Variants in LHFPL2 observed in about 807,000 individuals in gnomAD.
The protein encoded by LHFPL2 is LHFPL tetraspan subfamily member 2, also known as LHFPL tetraspan subfamily member 2 protein.
Under a neutral mutation model 17.5 loss-of-function variants are expected in LHFPL2, and 7 were observed. The observed-to-expected ratio is 0.40, with a 90% CI of 0.23 to 0.75. The LOEUF (loss-of-function observed/expected upper bound fraction) is 0.75, where lower values mean the gene tolerates loss of function less well. Among genes scored for constraint, LHFPL2 ranks in the 30% least tolerant of loss-of-function variants. The pLI is 0.37. For synonymous variants in LHFPL2, 134 were observed against 116.2 expected, an observed-to-expected ratio of 1.15 and a Z score of -0.99; for missense variants, 241 against 294.8, an observed-to-expected ratio of 0.82 and a Z score of 1.34.
At chr5:78,611,977 G>T (rs1744438098) in intron 2 of LHFPL2, among the ~76,000 whole-genome samples, 1 of 152,182 alleles carries the variant, frequency 6.6e-6, no homozygotes, top group Admixed American at 6.5e-5. Context: ...TTTTAAGACA[G>T]TCCTTTCTAG....
rs377673768 is a variant in LHFPL2 at position 78,535,031 on chromosome 5, G to A, written c.-185-24633C>T. Among the ~76,000 whole-genome samples, 5 of 152,282 alleles carry A rather than the reference G, an allele frequency of 3.3e-5. No homozygotes were observed. The East Asian group carries it at 5.8e-4, about 18-fold the overall frequency. Reference sequence around the variant, plus strand: ...GCTGAACAAGTTTGTTGGAATGTACGGAAAAAACCCAACGACTTCTTAGGA... The same window carrying A: ...GCTGAACAAGTTTGTTGGAATGTACAGAAAAAACCCAACGACTTCTTAGGA... On this transcript the variant is annotated intron_variant, in intron 3 of 4. Coordinates refer to ENST00000380345, the MANE Select transcript of LHFPL2 (RefSeq NM_005779.3).
chr5:78,634,505 G>A (rs1580878218), intron 1 of LHFPL2, among the ~76,000 whole-genome samples: 1 of 152,192 alleles, frequency 6.6e-6, no homozygotes, highest in South Asian at 2.1e-4. Context: ...ATGGTCCCAC[G>A]CCTCCAAAGG....
At chr5:78,539,510 G>A (rs980940611) in intron 3 of LHFPL2, among the ~76,000 whole-genome samples, 6 of 152,116 alleles carry the variant, frequency 3.9e-5, no homozygotes, top group African/African-American at 7.2e-5. Flanking sequence ...ACGGTATATC[G>A]TATGCACTCA....
At chr5:78,500,236 G>A (rs1754733259) in intron 4 of LHFPL2, among the ~76,000 whole-genome samples, 3 of 152,096 alleles carry the variant, frequency 2.0e-5, no homozygotes, top group African/African-American at 7.2e-5. Flanking sequence ...CCTCCAATAG[G>A]TCAGGCCACT....
intron 3 of LHFPL2, among the ~76,000 whole-genome samples, chr5:78,527,835 A>G (rs537274998): frequency 8.5e-5 from 13 of 152,222 alleles, no homozygotes; most frequent in Non-Finnish European, 1.8e-4. Flanking sequence ...ATTCAGATAC[A>G]TGGCATTTAC....
At chr5:78,613,420 C>T (rs1159877735) in intron 2 of LHFPL2, among the ~76,000 whole-genome samples, 8 of 152,076 alleles carry the variant, frequency 5.3e-5, no homozygotes, top group Non-Finnish European at 5.9e-5. Flanking sequence ...GCTTTGCCAC[C>T]GACTAGTAGA....
intron 2 of LHFPL2, among the ~76,000 whole-genome samples, chr5:78,592,419 T>C (rs1475394478): frequency 6.6e-6 from 1 of 152,200 alleles, no homozygotes; most frequent in Non-Finnish European, 1.5e-5. Flanking sequence ...TTGTCTCCTG[T>C]GTGGTTTCTA....
At chr5:78,629,241 A>G (rs1745163686) in intron 2 of LHFPL2, among the ~76,000 whole-genome samples, 1 of 152,226 alleles carries the variant, frequency 6.6e-6, no homozygotes, top group African/African-American at 2.4e-5. Flanking sequence ...GATAATGATA[A>G]AACAATACCT....
Position 78,532,143 on chromosome 5 carries a change from C to T in LHFPL2, c.-185-21745G>A, listed in dbSNP as rs1171961859. On this transcript the variant is annotated intron_variant, in intron 3 of 4. Coordinates refer to ENST00000380345, the MANE Select transcript of LHFPL2 (RefSeq NM_005779.3). ...TTCACCATGTTGGCCAGGCTGGTCT[C>T]GGATTCCTGACCTCAAATGATCCAC... Among the ~76,000 whole-genome samples the T allele has an allele frequency of 1.3e-5, 2 of 152,096 alleles. 1 individual carries two copies. Among genetic ancestry groups the T allele is most frequent in the African/African-American group, 4.8e-5 (2 of 41,406 alleles).
chr5:78,488,649 A>T lies in LHFPL2; in HGVS notation c.*248T>A. ...CCTGGGGGAGATGGAGTCTGACAGA[A>T]CTTGGCAACTCCAGGTCTAGGATTA... On this transcript the variant is annotated 3_prime_UTR_variant, in exon 5 of 5. Transcript: ENST00000380345. 4 of 495,210 alleles carry T rather than the reference A, an allele frequency of 8.1e-6. No homozygotes were observed. In the South Asian group the frequency reaches 9.5e-5, roughly 12 times the overall value. 30.7% of individuals were successfully genotyped at this position (495,210 alleles called of 1,614,324 possible). A position where few individuals can be genotyped will look rare whatever the true frequency, so the allele number is the denominator to read the frequency against.
chr5:78,624,216 G>A (rs1193290619), intron 2 of LHFPL2, among the ~76,000 whole-genome samples: 1 of 152,204 alleles, frequency 6.6e-6, no homozygotes, highest in Admixed American at 6.5e-5. Flanking sequence ...ATCAATCAGG[G>A]TTTGACTCCA....
chr5:78,566,516 T>A (rs1255800853), intron 2 of LHFPL2, among the ~76,000 whole-genome samples: 1 of 152,020 alleles, frequency 6.6e-6, no homozygotes, highest in East Asian at 1.9e-4. Context: ...CAGGCTGAAG[T>A]ACAATGGCAC....
chr5:78,487,988 G>C lies in LHFPL2; in HGVS notation c.*909C>G, dbSNP rs376985290. Reference sequence around the variant, plus strand: ...CCCCCCAAGTGCCGAGATTCTGGCAGGTCCTCCCAGTGAACATCTGCATAA... The same window carrying C: ...CCCCCCAAGTGCCGAGATTCTGGCACGTCCTCCCAGTGAACATCTGCATAA... On this transcript the variant is annotated 3_prime_UTR_variant, in exon 5 of 5. Transcript: ENST00000380345. 1 of 152,044 alleles carries C rather than the reference G, an allele frequency of 6.6e-6. No individual in the cohort carries two copies. The highest frequency in any genetic ancestry group is 6.5e-5 in the Admixed American group (1 of 15,272). The allele number at this position is 152,044 out of a possible 1,614,324, so 9.4% of individuals were successfully genotyped here. A position where few individuals can be genotyped will look rare whatever the true frequency, so the allele number is the denominator to read the frequency against.
At chr5:78,637,189 G>T (rs1430011810) in intron 1 of LHFPL2, among the ~76,000 whole-genome samples, 1 of 152,188 alleles carries the variant, frequency 6.6e-6, no homozygotes, top group African/African-American at 2.4e-5. Flanking sequence ...CACCTTAGCA[G>T]AGTGTCAGGC....
intron 2 of LHFPL2, among the ~76,000 whole-genome samples, chr5:78,619,003 C>T (rs1020796591): frequency 5.3e-5 from 8 of 152,192 alleles, no homozygotes; most frequent in African/African-American, 1.9e-4. Context: ...CTGACAAGGC[C>T]AAGATTTGTG....
intron 2 of LHFPL2, among the ~76,000 whole-genome samples, chr5:78,588,413 T>G (rs1489068592): frequency 1.3e-5 from 2 of 151,900 alleles, no homozygotes; most frequent in Non-Finnish European, 2.9e-5. Context: ...CTATAAACAC[T>G]CACAAGAGTC....
At chr5:78,602,641 GA>G (rs1744060378) in intron 2 of LHFPL2, among the ~76,000 whole-genome samples, 1 of 152,156 alleles carries the variant, frequency 6.6e-6, no homozygotes, top group Non-Finnish European at 1.5e-5. Flanking sequence ...ATCCTGGGCA[GA>G]TAAGTTCTGG....
Position 78,486,678 on chromosome 5 carries a change from T to C in LHFPL2, c.*2219A>G, listed in dbSNP as rs1033635731. 2.0e-5 allele frequency: 3 copies of C among 152,096 alleles called. No homozygotes were observed. Among genetic ancestry groups the C allele is most frequent in the Non-Finnish European group, 4.4e-5 (3 of 68,048 alleles). The allele number at this position is 152,096 out of a possible 1,614,324, so 9.4% of individuals were successfully genotyped here. A position where few individuals can be genotyped will look rare whatever the true frequency, so the allele number is the denominator to read the frequency against. ...TTCTGTTGCATTCAGATTAATAACA[T>C]AAACACTATCGAGTGAGTTTATTAT... On this transcript the variant is annotated 3_prime_UTR_variant, in exon 5 of 5. Transcript: ENST00000380345.
intron 2 of LHFPL2, among the ~76,000 whole-genome samples, chr5:78,578,788 A>G (rs1293978948): frequency 6.6e-6 from 1 of 152,212 alleles, no homozygotes; most frequent in Non-Finnish European, 1.5e-5. Flanking sequence ...GTTTTTGACA[A>G]CATTCCACTC....
Sources: allele counts gnomAD v4.1 joint callset (sites outside exome capture counted in the v4.1 genomes callset), GRCh38; gene constraint gnomAD v4.1.1; transcripts MANE v1.5; gene names NCBI Gene and HGNC (gene_info 2026-07-23, HGNC 2026-07-21).